SNX29: variants seen among roughly 807,000 people sequenced by gnomAD.
The protein encoded by SNX29 is sorting nexin-29.
In SNX29, 78 loss-of-function variants were observed where a neutral mutation model predicts 102.1. That is an observed-to-expected ratio of 0.76 (90% CI 0.64 to 0.92). The LOEUF (loss-of-function observed/expected upper bound fraction) is 0.92. Ranked by LOEUF, SNX29 falls within the 40% of genes least tolerant of loss-of-function variation. The pLI is 0.00. For synonymous variants in SNX29, 580 were observed against 414.5 expected (o/e 1.40, Z -4.85); for missense variants, 1,280 against 1,061.7 (o/e 1.21, Z -2.86).
intron 14 of SNX29, among the ~76,000 whole-genome samples, chr16:12,220,236 A>T (rs756541701): frequency 4.1e-5 from 6 of 147,262 alleles, no homozygotes; most frequent in Non-Finnish European, 8.9e-5. Context: ...TACCAGGAAG[A>T]TGCATCACTT....
At chr16:12,365,415 C>G (rs142202846) in intron 16 of SNX29, among the ~76,000 whole-genome samples, 1 of 151,342 alleles carries the variant, frequency 6.6e-6, no homozygotes, top group Non-Finnish European at 1.5e-5. Flanking sequence ...GGAGGCCGGG[C>G]GTGGTGGCTC....
At chr16:12,366,024 A>C (rs1415875074) in intron 16 of SNX29, among the ~76,000 whole-genome samples, 4 of 130,948 alleles carry the variant, frequency 3.1e-5, no homozygotes, top group Admixed American at 8.2e-5. Context: ...CCTGGGCGTC[A>C]GAGTGAGACT....
intron 18 of SNX29, among the ~76,000 whole-genome samples, chr16:12,405,543 C>T (rs2084126003): frequency 6.6e-6 from 1 of 152,160 alleles, no homozygotes; most frequent in East Asian, 1.9e-4. Flanking sequence ...GAAGTGGTGT[C>T]TCTTGCATGC....
intron 2 of SNX29, among the ~76,000 whole-genome samples, chr16:12,000,875 C>T (rs2056263068): frequency 6.6e-6 from 1 of 152,168 alleles, no homozygotes; most frequent in Non-Finnish European, 1.5e-5. Context: ...CAGCTCTCTG[C>T]TCTTCTGTAA....
intron 13 of SNX29, among the ~76,000 whole-genome samples, chr16:12,195,728 A>G (rs2076756258): frequency 6.6e-6 from 1 of 152,192 alleles, no homozygotes; most frequent in East Asian, 1.9e-4. Flanking sequence ...GGAGACTTTG[A>G]AGTTAAAGGA....
intron 16 of SNX29, among the ~76,000 whole-genome samples, chr16:12,397,512 G>C (rs79708948): frequency 0.012 from 1,820 of 152,208 alleles, 37 homozygotes; most frequent in African/African-American, 0.041. Context: ...AGAGGTAAAA[G>C]GTGTAAATTC....
At chr16:12,011,935 C>T (rs552059332) in intron 3 of SNX29, among the ~76,000 whole-genome samples, 6 of 152,236 alleles carry the variant, frequency 3.9e-5, no homozygotes, top group South Asian at 2.1e-4. Flanking sequence ...CCAGTTAAAA[C>T]GTAATAAACT....
At position 12,061,641 on chromosome 16, in the gene SNX29, C is replaced by T. The variant is rs1378665834; in HGVS notation, c.1238C>T (p.Pro413Leu). The change falls in exon 9 of 21, where the codon CCA becomes CTA. Residue 413 changes from proline to leucine, a missense_variant. Transcript: ENST00000566228. ...GTCAGTGGCGTGGGCTCCTACAGCC[C>T]AGCAGGTGGGTGTCTCCCGATTACT... is the stretch of plus-strand genomic sequence containing the variant. ...FPVSGVGSYS[P>L]ADAPLGSLEN... 2 of 1,610,126 alleles carry T rather than the reference C, an allele frequency of 1.2e-6. No individual in the cohort carries two copies. The highest frequency in any genetic ancestry group is 1.7e-5 in the Admixed American group (1 of 59,540).
intron 1 of SNX29, among the ~76,000 whole-genome samples, chr16:11,979,497 G>A (rs436838): frequency 0.35 from 53,087 of 151,980 alleles, 10,352 homozygotes; most frequent in Non-Finnish European, 0.44. Flanking sequence ...CTTGTGGGGT[G>A]GGTAACTGGT....
intron 1 of SNX29, among the ~76,000 whole-genome samples, chr16:11,996,919 T>C (rs896887266): frequency 6.6e-6 from 1 of 152,188 alleles, no homozygotes; most frequent in African/African-American, 2.4e-5. Context: ...AAAAAAATAC[T>C]AACGGTACTT....
At chr16:12,365,722 A>G (rs1391932263) in intron 16 of SNX29, among the ~76,000 whole-genome samples, 1 of 146,942 alleles carries the variant, frequency 6.8e-6, no homozygotes, top group Non-Finnish European at 1.5e-5. Flanking sequence ...GGAAACTTGT[A>G]ATCTAGAGAA....
intron 17 of SNX29, among the ~76,000 whole-genome samples, chr16:12,400,657 C>T (rs1002460857): frequency 2.6e-5 from 4 of 152,200 alleles, no homozygotes; most frequent in African/African-American, 9.7e-5. Context: ...TCCAGTGTTC[C>T]TTTGTGGCAC....
intron 18 of SNX29, among the ~76,000 whole-genome samples, chr16:12,409,186 C>G (rs150944050): frequency 6.6e-6 from 1 of 152,258 alleles, no homozygotes; most frequent in East Asian, 1.9e-4. Flanking sequence ...TAGCCGGAGA[C>G]AAAATGATTA....
At chr16:12,176,252 C>T (rs1249968516) in intron 13 of SNX29, among the ~76,000 whole-genome samples, 1 of 152,238 alleles carries the variant, frequency 6.6e-6, no homozygotes, top group African/African-American at 2.4e-5. Flanking sequence ...CCCTGGCAGA[C>T]TGATAGACAT....
intron 18 of SNX29, among the ~76,000 whole-genome samples, chr16:12,410,601 A>G (rs1036656917): frequency 1.3e-5 from 2 of 151,980 alleles, no homozygotes; most frequent in African/African-American, 2.4e-5. Context: ...ATGTACCACA[A>G]TGCCCATATT....
intron 18 of SNX29, among the ~76,000 whole-genome samples, chr16:12,465,450 C>A (rs1473933574): frequency 6.6e-6 from 1 of 151,896 alleles, no homozygotes; most frequent in Non-Finnish European, 1.5e-5. Flanking sequence ...TTGCCCAGCA[C>A]CATTTATTGA....
chr16:12,533,621 G>A lies in SNX29; in HGVS notation c.2318+8780G>A, dbSNP rs367759309. Among the ~76,000 whole-genome samples, 8 of 152,272 alleles carry A rather than the reference G, an allele frequency of 5.3e-5. No individual in the cohort carries two copies. In the South Asian group the frequency reaches 1.7e-3, roughly 32 times the overall value. ...GAGGAGACACCCCGCTACCTGGACT[G>A]ACACCCCAAATTGGGGCCTTGGTTC... On this transcript the variant is annotated intron_variant, in intron 20 of 20. Transcript: ENST00000566228.
intron 3 of SNX29, among the ~76,000 whole-genome samples, chr16:12,004,968 C>A (rs1235255194): frequency 6.6e-6 from 1 of 152,170 alleles, no homozygotes; most frequent in African/African-American, 2.4e-5. Context: ...TCTCTAGTGC[C>A]TAGAAGCATC....
chr16:12,564,408 G>A (rs1278573384), intron 20 of SNX29, among the ~76,000 whole-genome samples: 4 of 152,090 alleles, frequency 2.6e-5, no homozygotes, highest in African/African-American at 7.2e-5. Flanking sequence ...CATCAATGAT[G>A]TATGATTGGC....
Sources: allele counts gnomAD v4.1 joint callset (sites outside exome capture counted in the v4.1 genomes callset), GRCh38; gene constraint gnomAD v4.1.1; transcripts MANE v1.5; gene names NCBI Gene and HGNC (gene_info 2026-07-23, HGNC 2026-07-21).